The following LRRC61 variants were observed in gnomAD, a reference collection of about 807,000 sequenced individuals.
The protein encoded by LRRC61 is leucine rich repeat containing 61, also known as leucine-rich repeat-containing protein 61.
Under a neutral mutation model 15.1 loss-of-function variants are expected in LRRC61, and 9 were observed. That is an observed-to-expected ratio of 0.60 (90% CI 0.36 to 1.04). LRRC61 has a LOEUF of 1.04. Among genes scored for constraint, LRRC61 ranks in the 50% least tolerant of loss-of-function variants. The probability of loss-of-function intolerance (pLI) is 0.01; values close to 1 mark genes in which losing one functional copy is unlikely to be tolerated. For synonymous variants in LRRC61, 173 were observed against 158.6 expected, an observed-to-expected ratio of 1.09 and a Z score of -0.68; for missense variants, 344 against 335.6, an observed-to-expected ratio of 1.03 and a Z score of -0.20.
intron 2 of LRRC61, chr7:150,328,643 A>G (rs1307684622): frequency 6.6e-6 from 1 of 152,258 alleles, no homozygotes. Flanking sequence ...AGTTACCGTG[A>G]TGCTGAATCA....
chr7:150,327,540 C>T (rs181371979), intron 2 of LRRC61, among the ~76,000 whole-genome samples: 1 of 152,238 alleles, frequency 6.6e-6, no homozygotes, highest in East Asian at 1.9e-4. Context: ...TGCACCGGGC[C>T]GGGCGTGGTG....
upstream of LRRC61, among the ~76,000 whole-genome samples, chr7:150,322,456 A>G (rs868535291): frequency 1.8e-4 from 27 of 152,354 alleles, 1 homozygote; most frequent in Middle Eastern, 0.01. Flanking sequence ...TGCACTAATT[A>G]TAATGCATTA....
chr7:150,337,346 G>A lies in LRRC61; in HGVS notation c.485G>A (p.Gly162Asp). ...ELLPGLKVID[G>D]ERVIGRGSEF... ...CTGCCTGGCCTGAAAGTCATCGACG[G>A]TGAGCGTGTGATTGGGCGTGGTAGT... Residue 162 changes from glycine (G) to aspartate (D), a missense_variant, in exon 3 of 3, where the codon GGT becomes GAT. Physicochemically the swap from Gly to Asp is moderately conservative, Grantham distance 94 (BLOSUM62 -1). Coordinates refer to ENST00000359623, the MANE Select transcript of LRRC61 (RefSeq NM_001142928.2). 6.2e-7 allele frequency: 1 copy of A among 1,604,590 alleles called. No homozygotes were observed. Among genetic ancestry groups the A allele is most frequent in the East Asian group, 2.2e-5 (1 of 44,870 alleles).
chr7:150,314,150 G>A, the LRRC61 span, among the ~76,000 whole-genome samples: 1 of 152,180 alleles, frequency 6.6e-6, no homozygotes, highest in African/African-American at 2.4e-5. Flanking sequence ...CTGTATACGT[G>A]TCTCCTAGGG....
rs1798355592 is a variant in LRRC61 at position 150,337,699 on chromosome 7, C to T, written c.*58C>T. On this transcript the variant is annotated 3_prime_UTR_variant, in exon 3 of 3. Transcript: ENST00000359623. ...TGGCCTCGCTGCCCCCAGTTCCCCT[C>T]TCTGCCCCCACACTCGTCTTAGTTG... 1 of 1,486,762 alleles carries T rather than the reference C, an allele frequency of 6.7e-7. No individual in the cohort carries two copies. The highest frequency in any genetic ancestry group is 9.0e-7 in the Non-Finnish European group (1 of 1,113,632). 92.1% of individuals were successfully genotyped at this position (1,486,762 alleles called of 1,614,324 possible). A position where few individuals can be genotyped will look rare whatever the true frequency, so the allele number is the denominator to read the frequency against.
chr7:150,336,511 C>T (rs1385853052), intron 2 of LRRC61, among the ~76,000 whole-genome samples: 6 of 152,236 alleles, frequency 3.9e-5, no homozygotes, highest in Non-Finnish European at 8.8e-5. Flanking sequence ...CCAGCCAGGG[C>T]CAGTCTGGGC....
intron 2 of LRRC61, among the ~76,000 whole-genome samples, chr7:150,327,396 C>T (rs780660559): frequency 6.6e-6 from 1 of 152,300 alleles, no homozygotes; most frequent in Non-Finnish European, 1.5e-5. Flanking sequence ...AGGGAAGGTA[C>T]AAGCCTTTCT....
chr7:150,310,429 C>A, the LRRC61 span, among the ~76,000 whole-genome samples: 1 of 152,296 alleles, frequency 6.6e-6, no homozygotes, highest in African/African-American at 2.4e-5. Context: ...ATTCTCCTTA[C>A]AACTCCCCTA....
chr7:150,337,016 G>A lies in LRRC61; in HGVS notation c.155G>A (p.Cys52Tyr). ...GLADLGCLGE[C>Y]LGLEWLDLSG... ...GCTGACCTGGGCTGCCTGGGAGAGT[G>A]CCTGGGCCTGGAGTGGCTGGACCTA... The change falls in exon 3 of 3, where the codon TGC becomes TAC. Residue 52 changes from cysteine (C) to tyrosine (Y), a missense_variant. Coordinates refer to ENST00000359623, the MANE Select transcript of LRRC61 (RefSeq NM_001142928.2). 1.9e-6 allele frequency: 3 copies of A among 1,613,772 alleles called. No homozygotes were observed. Among genetic ancestry groups the A allele is most frequent in the Non-Finnish European group, 2.5e-6 (3 of 1,180,028 alleles).
chr7:150,329,592 T>G (rs1798042265), intron 2 of LRRC61, among the ~76,000 whole-genome samples: 1 of 152,222 alleles, frequency 6.6e-6, no homozygotes, highest in Non-Finnish European at 1.5e-5. Flanking sequence ...AAGCCTGGCC[T>G]GCCCATGAGG....
chr7:150,318,323 A>C (rs1024295269), upstream of LRRC61, among the ~76,000 whole-genome samples: 3 of 152,188 alleles, frequency 2.0e-5, no homozygotes, highest in African/African-American at 7.2e-5. Flanking sequence ...AGTCTTTCCT[A>C]GAGCTTTCAG....
upstream of LRRC61, among the ~76,000 whole-genome samples, chr7:150,322,464 T>C (rs768701551): frequency 6.6e-6 from 1 of 152,216 alleles, no homozygotes; most frequent in Non-Finnish European, 1.5e-5. Flanking sequence ...TTATAATGCA[T>C]TAGCATGCTA....
Position 150,337,581 on chromosome 7 carries a change from C to T in LRRC61, c.720C>T (p.Ser240=). The T allele has an allele frequency of 1.3e-6, 2 of 1,580,426 alleles. No individual in the cohort carries two copies. The highest frequency in any genetic ancestry group is 8.6e-7 in the Non-Finnish European group (1 of 1,164,694). The change falls in exon 3 of 3, where the codon AGC becomes AGT. Residue 240 remains serine (S), a synonymous_variant. Coordinates refer to ENST00000359623, the MANE Select transcript of LRRC61 (RefSeq NM_001142928.2). ...CWDLDRQASD[S]LAQAEQVLSS... ...ACCTGGACCGCCAGGCCAGCGACAG[C>T]CTGGCCCAGGCGGAGCAGGTACTCA...
At chr7:150,325,348 A>T (rs1471245134) in intron 1 of LRRC61, among the ~76,000 whole-genome samples, 2 of 152,162 alleles carry the variant, frequency 1.3e-5, no homozygotes, top group Non-Finnish European at 2.9e-5. Flanking sequence ...TGCCCACATG[A>T]TCGACTATGG....
chr7:150,334,002 C>G lies in LRRC61; in HGVS notation c.-144-2716C>G, dbSNP rs967639493. On this transcript the variant is annotated intron_variant, in intron 2 of 2. Coordinates refer to ENST00000359623, the MANE Select transcript of LRRC61 (RefSeq NM_001142928.2). ...AGGACGGGGCCACACTGGTGCAGGG[C>G]TGTGTGTTGGAGGGCAACAGGGAAG... The G allele has an allele frequency of 9.1e-6, 9 of 985,094 alleles. No homozygotes were observed. The African/African-American group carries it at 1.6e-4, about 17-fold the overall frequency. The allele number at this position is 985,094 out of a possible 1,614,324, so 61.0% of individuals were successfully genotyped here.
rs139206392 is a variant in LRRC61, at chr7:150,329,183, A to C, written c.-145+3173A>C. ...CCATATAGTTGCTCTTCGTGGTTAG[A>C]AAAACAACCAGAAGTATTCCTGCTA... On this transcript the variant is annotated intron_variant, in intron 2 of 2. Coordinates refer to ENST00000359623, the MANE Select transcript of LRRC61 (RefSeq NM_001142928.2). Among the ~76,000 whole-genome samples the C allele has an allele frequency of 1.3e-4, 20 of 152,350 alleles. No homozygotes were observed. The East Asian group carries it at 3.9e-3, about 29-fold the overall frequency.
rs1292033885 is a variant in LRRC61, at chr7:150,330,150, T to C, written c.-145+4140T>C. ...CACTGCCAGGGCCACCTGCAGCCAT[T>C]TCTAAGGCTCTGTGGAGGCCCAGGG... On this transcript the variant is annotated intron_variant, in intron 2 of 2. Transcript: ENST00000359623. This position sits in a 1 kb window ranked among gnomAD's most constrained non-coding sequence, Gnocchi z 4.6. The C allele has an allele frequency of 1.5e-5, 8 of 550,752 alleles. No homozygotes were observed. The highest frequency in any genetic ancestry group is 2.6e-5 in the Non-Finnish European group (8 of 309,730). The allele number at this position is 550,752 out of a possible 1,614,324, so 34.1% of individuals were successfully genotyped here. A position where few individuals can be genotyped will look rare whatever the true frequency, so the allele number is the denominator to read the frequency against.
the LRRC61 span, among the ~76,000 whole-genome samples, chr7:150,314,243 A>G: frequency 6.6e-6 from 1 of 152,248 alleles, no homozygotes; most frequent in Non-Finnish European, 1.5e-5. Context: ...CCAGTTTTGT[A>G]GAACAGTTGT....
chr7:150,326,843 G>A (rs533971773), intron 2 of LRRC61, among the ~76,000 whole-genome samples: 1 of 152,322 alleles, frequency 6.6e-6, no homozygotes, highest in South Asian at 2.1e-4. Context: ...GCCCAGGACA[G>A]CAGCCTGTGT....
Sources: allele counts gnomAD v4.1 joint callset (sites outside exome capture counted in the v4.1 genomes callset), GRCh38; gene constraint gnomAD v4.1.1; non-coding constraint Gnocchi (gnomAD v3.1); transcripts MANE v1.5; gene names NCBI Gene and HGNC (gene_info 2026-07-23, HGNC 2026-07-21).